Variants in LSAMP observed in about 807,000 individuals in gnomAD.
The protein encoded by LSAMP is limbic system associated membrane protein.
LSAMP carries 7 observed loss-of-function variants against 38.6 expected under a neutral mutation model. That is an observed-to-expected ratio of 0.18 (90% confidence interval 0.10 to 0.34). The LOEUF (loss-of-function observed/expected upper bound fraction) is 0.34. LSAMP is among the 10% of genes least tolerant of loss of function. LSAMP has a pLI of 1.00. For synonymous variants in LSAMP, 154 were observed against 166.8 expected (o/e 0.92, Z 0.59); for missense variants, 313 against 420.0 (o/e 0.75, Z 2.23).
rs2049487773 is a variant in LSAMP at position 116,444,871 on chromosome 3, C to T, written c.155+6G>A. On this transcript the variant is annotated splice_donor_region_variant and intron_variant, in intron 1 of 6. Coordinates refer to ENST00000490035, the MANE Select transcript of LSAMP (RefSeq NM_002338.5). The stretch of plus-strand genomic sequence containing the variant: ...GCGCAGCAGAAAAGTTGCCCGAAAG[C>T]CCTACCTGAGGATGGCTGTGTCCCC... The T allele has an allele frequency of 6.2e-7, 1 of 1,614,016 alleles. No individual in the cohort carries two copies. The highest frequency in any genetic ancestry group is 8.5e-7 in the Non-Finnish European group (1 of 1,180,006).
chr3:116,288,021 A>C (rs893062881), intron 1 of LSAMP, among the ~76,000 whole-genome samples: 1 of 152,226 alleles, frequency 6.6e-6, no homozygotes, highest in African/African-American at 2.4e-5. Context: ...GGGAGGCAAA[A>C]AGATTTAAAA....
intron 1 of LSAMP, among the ~76,000 whole-genome samples, chr3:116,138,312 C>A (rs1709294819): frequency 6.6e-6 from 1 of 152,074 alleles, no homozygotes; most frequent in Admixed American, 6.6e-5. Context: ...AAACATAATT[C>A]ATAATTCAAT....
At chr3:116,440,473 A>G (rs2049417985) in intron 1 of LSAMP, among the ~76,000 whole-genome samples, 1 of 152,176 alleles carries the variant, frequency 6.6e-6, no homozygotes, top group Non-Finnish European at 1.5e-5. Flanking sequence ...AAGTCAAACC[A>G]CATAAAATAA....
At chr3:116,091,763 T>G (rs922538403) in intron 1 of LSAMP, among the ~76,000 whole-genome samples, 14 of 152,344 alleles carry the variant, frequency 9.2e-5, no homozygotes, top group Admixed American at 8.5e-4. Context: ...GAACACATGA[T>G]GTTGCAAATA....
At chr3:116,001,697 A>G (rs2107659793) in intron 3 of LSAMP, among the ~76,000 whole-genome samples, 1 of 152,228 alleles carries the variant, frequency 6.6e-6, no homozygotes, top group South Asian at 2.1e-4. Context: ...CTCCATCTTC[A>G]CACCAGCAGT....
chr3:116,022,711 T>A (rs116661095), intron 2 of LSAMP, among the ~76,000 whole-genome samples: 3,779 of 152,242 alleles, frequency 0.025, 60 homozygotes, highest in Middle Eastern at 0.095. Context: ...TCTGTCTTCA[T>A]CTCAATCTAT....
chr3:116,406,140 C>G (rs1469064049), intron 1 of LSAMP, among the ~76,000 whole-genome samples: 1 of 151,852 alleles, frequency 6.6e-6, no homozygotes, highest in African/African-American at 2.4e-5. Context: ...GGTCAACAAA[C>G]AACATGGTAT....
intron 3 of LSAMP, among the ~76,000 whole-genome samples, chr3:115,954,404 T>C (rs1938389342): frequency 6.6e-6 from 1 of 152,196 alleles, no homozygotes; most frequent in South Asian, 2.1e-4. Context: ...CTCCTCTAGA[T>C]AGACAGGTAC....
chr3:116,058,274 C>A (rs1229643398), intron 2 of LSAMP, among the ~76,000 whole-genome samples: 2 of 151,894 alleles, frequency 1.3e-5, no homozygotes, highest in Non-Finnish European at 1.5e-5. Context: ...AGTGGGTCTC[C>A]CACTAGACTC....
At chr3:115,943,783 T>C (rs974052051) in intron 3 of LSAMP, among the ~76,000 whole-genome samples, 3 of 152,170 alleles carry the variant, frequency 2.0e-5, no homozygotes, top group African/African-American at 4.8e-5. Flanking sequence ...GAGCCTTTGG[T>C]AGGACCCTGG....
intron 1 of LSAMP, among the ~76,000 whole-genome samples, chr3:116,188,318 T>C (rs1220635154): frequency 6.6e-6 from 1 of 152,158 alleles, no homozygotes; most frequent in East Asian, 1.9e-4. Flanking sequence ...ACAGTTAACT[T>C]TGAGATCATA....
At chr3:115,830,555 A>AC (rs1934574831) in intron 6 of LSAMP, among the ~76,000 whole-genome samples, 1 of 152,224 alleles carries the variant, frequency 6.6e-6, no homozygotes, top group African/African-American at 2.4e-5. Context: ...TTGAGTTAAT[A>AC]CAGGCAAAAG....
intron 2 of LSAMP, among the ~76,000 whole-genome samples, chr3:116,064,756 T>G (rs1276668430): frequency 6.6e-6 from 1 of 152,134 alleles, no homozygotes; most frequent in Non-Finnish European, 1.5e-5. Context: ...CAACTATGAT[T>G]GTTATTGTTG....
chr3:116,038,512 TA>T (rs2107713631), intron 2 of LSAMP, among the ~76,000 whole-genome samples: 1 of 152,302 alleles, frequency 6.6e-6, no homozygotes, highest in Non-Finnish European at 1.5e-5. Flanking sequence ...TAGAGAAAAC[TA>T]AAGCATTAAA....
In LSAMP at chr3:116,409,784, A is replaced by G. The variant is rs145503921; in HGVS notation, c.155+35093T>C. ...ACCACTTGCCCTTTTAAATGGTAAT[A>G]AATAGCAGACATACGTCTAATTAAG... On this transcript the variant is annotated intron_variant, in intron 1 of 6. Coordinates refer to ENST00000490035, the MANE Select transcript of LSAMP (RefSeq NM_002338.5). Among the ~76,000 whole-genome samples, 109 of 152,244 alleles carry G rather than the reference A, an allele frequency of 7.2e-4. 2 individuals carry two copies. The highest frequency in any genetic ancestry group is 3.9e-4 in the Admixed American group (6 of 15,276).
rs67711628 is a variant in LSAMP at position 115,928,973 on chromosome 3, G to GTTTTTTTT, written c.515-76364_515-76357dup. Reference sequence around the variant, plus strand: ...GGCTTATCATGCAGGTTTTTTGTTTGTTTTTTTTTTTTTTTTTGCTTGTTT... The same window carrying GTTTTTTTT: ...GGCTTATCATGCAGGTTTTTTGTTTGTTTTTTTTTTTTTTTTTTTTTTTTTGCTTGTTT... On this transcript the variant is annotated intron_variant, in intron 3 of 6. Coordinates refer to ENST00000490035, the MANE Select transcript of LSAMP (RefSeq NM_002338.5). 1.3e-3 allele frequency among the ~76,000 whole-genome samples: 139 copies of GTTTTTTTT among 109,872 alleles called. 2 individuals are homozygous for GTTTTTTTT. The highest frequency in any genetic ancestry group is 2.7e-3 in the East Asian group (9 of 3,366). 72.1% of individuals were successfully genotyped at this position (109,872 alleles called of 152,430 possible).
chr3:116,235,696 A>G (rs958511336), intron 1 of LSAMP, among the ~76,000 whole-genome samples: 3 of 152,202 alleles, frequency 2.0e-5, no homozygotes, highest in African/African-American at 7.2e-5. Flanking sequence ...TTATTGCAAA[A>G]AGCATATTTT....
At chr3:116,090,065 A>G (rs993250539) in intron 1 of LSAMP, among the ~76,000 whole-genome samples, 63 of 151,850 alleles carry the variant, frequency 4.1e-4, no homozygotes, top group African/African-American at 1.3e-3. Flanking sequence ...AAAAAATGGT[A>G]GGACCAGGCA....
intron 1 of LSAMP, among the ~76,000 whole-genome samples, chr3:116,191,179 C>A (rs142149501): frequency 6.6e-6 from 1 of 152,042 alleles, no homozygotes; most frequent in African/African-American, 2.4e-5. Flanking sequence ...GCCAAGATTG[C>A]GCCACTGCAC....
Sources: allele counts gnomAD v4.1 joint callset (sites outside exome capture counted in the v4.1 genomes callset), GRCh38; gene constraint gnomAD v4.1.1; transcripts MANE v1.5; gene names NCBI Gene and HGNC (gene_info 2026-07-23, HGNC 2026-07-21).